Variants in CHD9 observed in about 807,000 individuals in gnomAD.
The protein encoded by CHD9 is ATP-dependent chromatin remodeler CHD9.
CHD9 carries 77 observed loss-of-function variants against 316.1 expected under a neutral mutation model. That is an observed-to-expected ratio of 0.24 (90% CI 0.20 to 0.29). The LOEUF is 0.29. CHD9 is among the 10% of genes least tolerant of loss of function. The pLI, the probability that CHD9 is intolerant of heterozygous loss-of-function variation, is 1.00. For missense variants in CHD9, 2,763 were observed against 3,438.1 expected, an observed-to-expected ratio of 0.80 and a Z score of 4.91; for synonymous variants, 1,129 against 1,158.3, an observed-to-expected ratio of 0.97 and a Z score of 0.51.
At chr16:53,106,687 T>C (rs16952003) in intron 1 of CHD9, among the ~76,000 whole-genome samples, 5,393 of 151,648 alleles carry the variant, frequency 0.036, 280 homozygotes, top group East Asian at 0.11. Flanking sequence ...CACAGCGCGA[T>C]GTGCATATGG....
intron 2 of CHD9, among the ~76,000 whole-genome samples, chr16:53,167,280 A>G (rs2042335964): frequency 6.6e-6 from 1 of 152,210 alleles, no homozygotes; most frequent in African/African-American, 2.4e-5. Context: ...TTGTATATAC[A>G]TGTGAATGAA....
intron 2 of CHD9, among the ~76,000 whole-genome samples, chr16:53,167,640 C>A (rs909616865): frequency 7.0e-4 from 103 of 148,200 alleles, no homozygotes; most frequent in African/African-American, 2.4e-3. Context: ...TGGCATTTGA[C>A]AATCTGTAAT....
At chr16:53,206,233 A>G (rs2045886887) in intron 2 of CHD9, among the ~76,000 whole-genome samples, 1 of 152,020 alleles carries the variant, frequency 6.6e-6, no homozygotes, top group Admixed American at 6.5e-5. Context: ...GATTATAGGC[A>G]TGAGCCACCA....
intron 15 of CHD9, among the ~76,000 whole-genome samples, chr16:53,246,579 G>GCTC (rs1448417895): frequency 2.0e-4 from 31 of 152,020 alleles, no homozygotes; most frequent in African/African-American, 7.5e-4. Context: ...GAGTACAGAG[G>GCTC]TGTGTTCATA....
At chr16:53,209,028 G>T (rs113324929) in intron 2 of CHD9, among the ~76,000 whole-genome samples, 1 of 152,036 alleles carries the variant, frequency 6.6e-6, no homozygotes, top group Admixed American at 6.6e-5. Flanking sequence ...GGTTGTAGTC[G>T]TAAAGCAGAG....
chr16:53,067,914 C>G (rs2033669815), intron 1 of CHD9, among the ~76,000 whole-genome samples: 1 of 152,146 alleles, frequency 6.6e-6, no homozygotes, highest in African/African-American at 2.4e-5. Context: ...AAAAAATTAG[C>G]TGGGCATGGT....
intron 2 of CHD9, among the ~76,000 whole-genome samples, chr16:53,166,698 A>G (rs945088221): frequency 7.2e-5 from 11 of 152,172 alleles, no homozygotes; most frequent in Non-Finnish European, 1.2e-4. Flanking sequence ...TTAATACAAT[A>G]TGGTGTGGAT....
chr16:53,253,491 G>A (rs1443429810), intron 17 of CHD9, among the ~76,000 whole-genome samples: 2 of 152,116 alleles, frequency 1.3e-5, no homozygotes, highest in African/African-American at 4.8e-5. Context: ...ATATAGTGCA[G>A]TGTATACTGC....
intron 2 of CHD9, among the ~76,000 whole-genome samples, chr16:53,195,629 G>A (rs1263102251): frequency 6.6e-6 from 1 of 152,034 alleles, no homozygotes; most frequent in Non-Finnish European, 1.5e-5. Context: ...GCCAGCAGGA[G>A]AGTATCTCTG....
At chr16:53,199,271 A>G (rs2045230342) in intron 2 of CHD9, among the ~76,000 whole-genome samples, 1 of 152,154 alleles carries the variant, frequency 6.6e-6, no homozygotes, top group African/African-American at 2.4e-5. Context: ...CCATAGATGG[A>G]TTTTTATTGA....
At chr16:53,095,947 T>C (rs2036340162) in intron 1 of CHD9, among the ~76,000 whole-genome samples, 1 of 152,210 alleles carries the variant, frequency 6.6e-6, no homozygotes, top group Non-Finnish European at 1.5e-5. Flanking sequence ...TGAAAGGGTA[T>C]TAAGTGACAT....
At chr16:53,214,445 C>T (rs542869333) in intron 3 of CHD9, among the ~76,000 whole-genome samples, 21 of 152,008 alleles carry the variant, frequency 1.4e-4, no homozygotes, top group South Asian at 2.1e-4. Flanking sequence ...GTATGATAAA[C>T]GAAAGAGCAG....
chr16:53,183,739 C>A (rs1392970155), intron 2 of CHD9, among the ~76,000 whole-genome samples: 2 of 151,562 alleles, frequency 1.3e-5, no homozygotes, highest in African/African-American at 4.8e-5. Flanking sequence ...CATAGCAAGA[C>A]CCTGTCTGTA....
chr16:53,251,212 A>G (rs969735594), intron 17 of CHD9, among the ~76,000 whole-genome samples: 5 of 152,194 alleles, frequency 3.3e-5, no homozygotes, highest in African/African-American at 1.2e-4. Context: ...TTAGTTGGCA[A>G]GCCAGATTTG....
chr16:53,260,986 G>T (rs966993842), intron 19 of CHD9, among the ~76,000 whole-genome samples: 2 of 151,660 alleles, frequency 1.3e-5, no homozygotes, highest in Non-Finnish European at 2.9e-5. Flanking sequence ...CAGGGATTAG[G>T]ATGAGGTATC....
chr16:53,240,379 G>A (rs1338874948), intron 12 of CHD9, among the ~76,000 whole-genome samples: 1 of 152,014 alleles, frequency 6.6e-6, no homozygotes, highest in South Asian at 2.1e-4. Context: ...CATGAGTTTG[G>A]CATAAATATG....
At chr16:53,240,367 C>G (rs371997810) in intron 12 of CHD9, among the ~76,000 whole-genome samples, 2 of 152,056 alleles carry the variant, frequency 1.3e-5, no homozygotes, top group East Asian at 1.9e-4. Flanking sequence ...ATATATGTGT[C>G]ACATGAGTTT....
At chr16:53,179,321 A>AT (rs5816889) in intron 2 of CHD9, among the ~76,000 whole-genome samples, 42,246 of 151,388 alleles carry the variant, frequency 0.28, 5,996 homozygotes, top group Middle Eastern at 0.32. Context: ...CCAGCAGTTA[A>AT]TTTTTTTTTA....
chr16:53,156,755 A>T lies in CHD9; in HGVS notation c.666A>T (p.Ser222=). 1 of 1,613,720 alleles carries T rather than the reference A, an allele frequency of 6.2e-7. No homozygotes were observed. Among genetic ancestry groups the T allele is most frequent in the Non-Finnish European group, 8.5e-7 (1 of 1,179,704 alleles). Residue 222 remains serine (S), a synonymous_variant, in exon 2 of 39, where the codon TCA becomes TCT. Coordinates refer to ENST00000447540, the MANE Select transcript of CHD9 (RefSeq NM_001308319.2). ...CACAGATGACTAATGCATCTAATTC[A>T]CAACAGTCTATTTCAATGCAGCAAT... The part of the protein sequence containing the change: ...HPPQMTNASN[S]QQSISMQQFS...
Sources: gnomAD v4.1 joint callset for allele counts (sites outside exome capture counted in the v4.1 genomes callset) on GRCh38, gnomAD v4.1.1 for gene constraint, MANE v1.5 for transcripts, NCBI Gene and HGNC (gene_info 2026-07-23, HGNC 2026-07-21) for gene names.